The following UBE2E2 variants were observed in gnomAD, a reference collection of about 807,000 sequenced individuals.
UBE2E2 encodes ubiquitin conjugating enzyme E2 E2, also known as ubiquitin-conjugating enzyme E2 E2.
UBE2E2 carries 6 observed loss-of-function variants against 24.7 expected under a neutral mutation model. That is an observed-to-expected ratio of 0.24 (90% CI 0.13 to 0.48). The LOEUF is 0.48. Ranked by LOEUF, UBE2E2 falls within the 20% of genes least tolerant of loss-of-function variation. The pLI, the probability that UBE2E2 is intolerant of heterozygous loss-of-function variation, is 0.99. For synonymous variants in UBE2E2, 104 were observed against 83.6 expected, an observed-to-expected ratio of 1.24 and a Z score of -1.33; for missense variants, 169 against 245.0, an observed-to-expected ratio of 0.69 and a Z score of 2.07.
At chr3:23,415,849 C>T (rs1697614297) in intron 3 of UBE2E2, among the ~76,000 whole-genome samples, 1 of 152,060 alleles carries the variant, frequency 6.6e-6, no homozygotes, top group Non-Finnish European at 1.5e-5. Context: ...CACCCATCAA[C>T]CCATCATCTA....
At chr3:23,481,023 G>C (rs1699248061) in intron 3 of UBE2E2, among the ~76,000 whole-genome samples, 1 of 152,160 alleles carries the variant, frequency 6.6e-6, no homozygotes. Context: ...AAAATTATTA[G>C]ATACAACATT....
intron 3 of UBE2E2, among the ~76,000 whole-genome samples, chr3:23,324,520 T>C (rs1694833114): frequency 6.6e-6 from 1 of 152,142 alleles, no homozygotes; most frequent in African/African-American, 2.4e-5. Flanking sequence ...CATTTCCCTG[T>C]TTATTAGCTG....
intron 4 of UBE2E2, among the ~76,000 whole-genome samples, chr3:23,500,715 C>T (rs1699702917): frequency 6.6e-6 from 1 of 151,934 alleles, no homozygotes; most frequent in Non-Finnish European, 1.5e-5. Context: ...CTTTTTTGCC[C>T]CTGCTCTTCC....
chr3:23,428,246 A>G (rs1575622441), intron 3 of UBE2E2, among the ~76,000 whole-genome samples: 1 of 152,238 alleles, frequency 6.6e-6, no homozygotes, highest in South Asian at 2.1e-4. Flanking sequence ...TAACAGAAAG[A>G]TAGCTGAAAA....
chr3:23,492,563 G>A (rs570658368), intron 3 of UBE2E2, among the ~76,000 whole-genome samples: 33 of 152,242 alleles, frequency 2.2e-4, no homozygotes, highest in Middle Eastern at 3.4e-3. Context: ...CACAGTTTAG[G>A]TATCCATTAC....
chr3:23,564,188 TA>T (rs1696006960), intron 5 of UBE2E2, among the ~76,000 whole-genome samples: 1 of 152,110 alleles, frequency 6.6e-6, no homozygotes, highest in South Asian at 2.1e-4. Flanking sequence ...CATTCACATT[TA>T]GGGGCAATAG....
chr3:23,213,894 T>C (rs928452345), intron 2 of UBE2E2, among the ~76,000 whole-genome samples: 1 of 152,154 alleles, frequency 6.6e-6, no homozygotes, highest in Non-Finnish European at 1.5e-5. Context: ...ATACTTTTCA[T>C]TTTTCCTCAC....
At chr3:23,573,110 T>C (rs1696262806) in intron 5 of UBE2E2, among the ~76,000 whole-genome samples, 1 of 152,146 alleles carries the variant, frequency 6.6e-6, no homozygotes, top group South Asian at 2.1e-4. Flanking sequence ...ACTATAAAGC[T>C]ATAGTGATAC....
chr3:23,566,079 T>C (rs1696066968), intron 5 of UBE2E2, among the ~76,000 whole-genome samples: 2 of 152,206 alleles, frequency 1.3e-5, no homozygotes, highest in Admixed American at 6.5e-5. Flanking sequence ...TTGCCATGTA[T>C]TTTCCCTTTT....
intron 3 of UBE2E2, among the ~76,000 whole-genome samples, chr3:23,235,040 A>G (rs1402594221): frequency 6.6e-6 from 1 of 152,230 alleles, no homozygotes; most frequent in African/African-American, 2.4e-5. Flanking sequence ...AAGGGCCAAT[A>G]TGTGATCAGC....
intron 4 of UBE2E2, among the ~76,000 whole-genome samples, chr3:23,524,585 A>C (rs875443): frequency 1.3e-5 from 2 of 152,056 alleles, no homozygotes; most frequent in Non-Finnish European, 2.9e-5. Flanking sequence ...TCTTTCCACA[A>C]TACAACTCAT....
Position 23,590,920 on chromosome 3 carries a change from A to G in UBE2E2, c.*1089A>G, listed in dbSNP as rs1278924825. ...ATTGTGTTCAGCCACTTTCAACTTT[A>G]TTTCTCTCAAAATTGTTACAGTGAT... On this transcript the variant is annotated 3_prime_UTR_variant, in exon 6 of 6. Transcript: ENST00000396703. 6.6e-6 allele frequency: 1 copy of G among 152,100 alleles called. No individual in the cohort carries two copies. The highest frequency in any genetic ancestry group is 2.4e-5 in the African/African-American group (1 of 41,408). The allele number at this position is 152,100 out of a possible 1,614,324, so 9.4% of individuals were successfully genotyped here. A position where few individuals can be genotyped will look rare whatever the true frequency, so the allele number is the denominator to read the frequency against.
intron 3 of UBE2E2, among the ~76,000 whole-genome samples, chr3:23,458,185 T>C (rs1698722431): frequency 6.6e-6 from 1 of 152,036 alleles, no homozygotes; most frequent in South Asian, 2.1e-4. Context: ...TTTGAACACT[T>C]AGAGGCTATT....
intron 3 of UBE2E2, among the ~76,000 whole-genome samples, chr3:23,365,411 C>G (rs1405148968): frequency 6.6e-6 from 1 of 152,184 alleles, no homozygotes; most frequent in Non-Finnish European, 1.5e-5. Flanking sequence ...TAAACAACTT[C>G]AGTAAAGTCT....
At chr3:23,437,793 C>T (rs1366196884) in intron 3 of UBE2E2, among the ~76,000 whole-genome samples, 1 of 152,166 alleles carries the variant, frequency 6.6e-6, no homozygotes, top group Non-Finnish European at 1.5e-5. Flanking sequence ...TATATGTTCT[C>T]ACAGAAAAGG....
At chr3:23,419,978 C>G (rs1006103654) in intron 3 of UBE2E2, among the ~76,000 whole-genome samples, 16 of 152,118 alleles carry the variant, frequency 1.1e-4, no homozygotes, top group Admixed American at 9.8e-4. Flanking sequence ...AAAATGCCTA[C>G]TACTGGTGGG....
intron 3 of UBE2E2, among the ~76,000 whole-genome samples, chr3:23,264,946 A>G (rs1233575834): frequency 6.6e-6 from 1 of 152,216 alleles, no homozygotes; most frequent in Non-Finnish European, 1.5e-5. Flanking sequence ...ATATAGACTG[A>G]AAAGTGTTCA....
At chr3:23,479,227 G>T in intron 3 of UBE2E2, among the ~76,000 whole-genome samples, 1 of 152,178 alleles carries the variant, frequency 6.6e-6, no homozygotes, top group East Asian at 1.9e-4. Flanking sequence ...AGCAGTGAGA[G>T]GTGTGTGAGC....
Position 23,221,977 on chromosome 3 carries a change from T to C in UBE2E2, c.227+4665T>C, listed in dbSNP as rs930896372. On this transcript the variant is annotated intron_variant, in intron 3 of 5. Transcript: ENST00000396703. ...AGTTCAGTGAATATACATTTATATA[T>C]TTATATTCTTTTTTTCCTCTTGATC... Among the ~76,000 whole-genome samples, 4 of 152,290 alleles carry C rather than the reference T, an allele frequency of 2.6e-5. No homozygotes were observed. In the South Asian group the frequency reaches 6.2e-4, roughly 24 times the overall value.
Sources: allele counts gnomAD v4.1 joint callset (sites outside exome capture counted in the v4.1 genomes callset), GRCh38; gene constraint gnomAD v4.1.1; transcripts MANE v1.5; gene names NCBI Gene and HGNC (gene_info 2026-07-23, HGNC 2026-07-21).